DLGAP2: variants seen among roughly 807,000 people sequenced by gnomAD.
DLGAP2 encodes disks large-associated protein 2.
DLGAP2 carries 26 observed loss-of-function variants against 100.3 expected under a neutral mutation model. The ratio of observed to expected loss-of-function variants is 0.26; its 90% CI spans 0.19 to 0.36. The LOEUF is 0.36. Ranked by LOEUF, DLGAP2 falls within the 10% of genes least tolerant of loss-of-function variation. The pLI is 1.00. For missense variants in DLGAP2, 1,858 were observed against 1,453.2 expected, an observed-to-expected ratio of 1.28 and a Z score of -4.53; for synonymous variants, 886 against 630.1, an observed-to-expected ratio of 1.41 and a Z score of -6.08.
At chr8:823,667 C>T (rs886464045) in intron 1 of DLGAP2, among the ~76,000 whole-genome samples, 6 of 152,046 alleles carry the variant, frequency 3.9e-5, no homozygotes, top group Admixed American at 1.3e-4. Flanking sequence ...ATAGCTGTGG[C>T]GCCTGCCTCC....
At chr8:829,333 G>T (rs968173405) in intron 1 of DLGAP2, among the ~76,000 whole-genome samples, 1 of 152,184 alleles carries the variant, frequency 6.6e-6, no homozygotes, top group Non-Finnish European at 1.5e-5. Context: ...TGTTCCACCT[G>T]TCCCATTTCA....
At chr8:1,225,442 C>T (rs1345284801) in intron 2 of DLGAP2, among the ~76,000 whole-genome samples, 5 of 152,162 alleles carry the variant, frequency 3.3e-5, no homozygotes, top group Admixed American at 1.3e-4. Flanking sequence ...GAATGGGGAA[C>T]GGTCACTTAC....
In DLGAP2 at chr8:1,548,791, GGCCCGACGCGCGGCC is replaced by G. The variant is rs1429851996; in HGVS notation, c.343_357del (p.Asp115_Pro119del). The G allele has an allele frequency of 6.3e-7, 1 of 1,585,464 alleles. No homozygotes were observed. Among genetic ancestry groups the G allele is most frequent in the Non-Finnish European group, 8.6e-7 (1 of 1,169,086 alleles). Reference sequence around the variant, plus strand: ...GAGGACTGCGAGCACCTGCACCACGGGCCCGACGCGCGGCCGCCCTACCTGCTGAGCCCCGCCGAC... The same window carrying G: ...GAGGACTGCGAGCACCTGCACCACGGGCCCTACCTGCTGAGCCCCGCCGAC... On this transcript the variant is annotated inframe_deletion, in exon 5 of 15. Transcript: ENST00000637795.
rs139791016 is a variant in DLGAP2, at chr8:1,435,517, C to T, written c.107-65849C>T. Among the ~76,000 whole-genome samples the T allele has an allele frequency of 3.5e-3, 531 of 152,222 alleles. 12 individuals carry two copies. The highest frequency in any genetic ancestry group is 3.1e-3 in the East Asian group (16 of 5,160). ...AGAAACCCCCTGTGCAGCCACCGTACGGAAGTGTAGCCGTAGAGGGATGCG... is the reference window on the plus strand; with the variant it reads ...AGAAACCCCCTGTGCAGCCACCGTATGGAAGTGTAGCCGTAGAGGGATGCG... On this transcript the variant is annotated intron_variant, in intron 3 of 14. Coordinates refer to ENST00000637795, the MANE Select transcript of DLGAP2 (RefSeq NM_001346810.2).
At chr8:1,574,632 T>A (rs138517911) in intron 6 of DLGAP2, among the ~76,000 whole-genome samples, 21 of 152,366 alleles carry the variant, frequency 1.4e-4, no homozygotes, top group African/African-American at 5.0e-4. Flanking sequence ...TCCATTTTGT[T>A]ATGACCCAAA....
chr8:1,024,934 C>T (rs945818593), intron 2 of DLGAP2, among the ~76,000 whole-genome samples: 4 of 152,174 alleles, frequency 2.6e-5, no homozygotes, highest in Admixed American at 6.5e-5. Flanking sequence ...TCTGGAATGA[C>T]GGACAGAGGT....
intron 9 of DLGAP2, 130 bp downstream of exon 9, chr8:1,668,808 CTG>C (rs1798615011): frequency 1.1e-6 from 1 of 901,970 alleles, no homozygotes; most frequent in East Asian, 2.7e-5. Flanking sequence ...GCTGTGGAAT[CTG>C]AGAGCAGGGC....
chr8:1,539,252 C>A (rs543442276), intron 4 of DLGAP2, among the ~76,000 whole-genome samples: 2 of 152,192 alleles, frequency 1.3e-5, no homozygotes, highest in Non-Finnish European at 2.9e-5. Flanking sequence ...TCTGAGAGAG[C>A]TCAGGCAGCA....
intron 11 of DLGAP2, 91 bp downstream of exon 11, chr8:1,676,709 A>C: frequency 7.8e-7 from 1 of 1,278,616 alleles, no homozygotes; most frequent in African/African-American, 1.5e-5. Flanking sequence ...GCCGGCCCTC[A>C]ATCATGCCTG....
In DLGAP2 at chr8:776,160, G is replaced by T. The variant is rs1473376888; in HGVS notation, c.18+38335G>T. Among the ~76,000 whole-genome samples, 6 of 150,838 alleles carry T rather than the reference G, an allele frequency of 4.0e-5. No individual in the cohort carries two copies. In the South Asian group the frequency reaches 1.2e-3, roughly 31 times the overall value. ...CATAGAGGTGTTTGTAGTATTCTCT[G>T]ATGGTAGTTTGTATTTCTGTGGGAT... On this transcript the variant is annotated intron_variant, in intron 1 of 14. Coordinates refer to ENST00000637795, the MANE Select transcript of DLGAP2 (RefSeq NM_001346810.2).
chr8:1,285,836 G>C (rs1799910682), intron 3 of DLGAP2, among the ~76,000 whole-genome samples: 1 of 152,090 alleles, frequency 6.6e-6, no homozygotes, highest in South Asian at 2.1e-4. Context: ...GGGCGTAGTG[G>C]CACACACCTG....
At chr8:1,006,124 C>T (rs991804804) in intron 2 of DLGAP2, among the ~76,000 whole-genome samples, 2 of 152,002 alleles carry the variant, frequency 1.3e-5, no homozygotes, top group African/African-American at 4.8e-5. Flanking sequence ...GGGAGTCTGA[C>T]GTTGCAGTGA....
chr8:927,209 C>A, intron 2 of DLGAP2: 1 of 985,382 alleles, frequency 1.0e-6, no homozygotes, highest in Non-Finnish European at 1.2e-6. Context: ...GGTAAGAACG[C>A]TGTTTATAGA....
intron 2 of DLGAP2, among the ~76,000 whole-genome samples, chr8:964,884 G>T (rs556787695): frequency 1.8e-4 from 28 of 152,320 alleles, no homozygotes; most frequent in African/African-American, 6.0e-4. Context: ...CATGCTCCGG[G>T]GGGTACTGCC....
At chr8:1,355,181 G>A (rs1006059819) in intron 3 of DLGAP2, among the ~76,000 whole-genome samples, 19 of 152,386 alleles carry the variant, frequency 1.2e-4, no homozygotes, top group Admixed American at 1.3e-4. Flanking sequence ...CGGTGACACT[G>A]CATGCCCGTG....
intron 1 of DLGAP2, among the ~76,000 whole-genome samples, chr8:840,834 A>G (rs867666802): frequency 2.0e-5 from 3 of 152,242 alleles, no homozygotes; most frequent in African/African-American, 4.8e-5. Flanking sequence ...ACACGTCTAC[A>G]TGGGGCACAT....
At chr8:1,291,826 C>G (rs1369559392) in intron 3 of DLGAP2, among the ~76,000 whole-genome samples, 2 of 152,192 alleles carry the variant, frequency 1.3e-5, no homozygotes, top group Non-Finnish European at 2.9e-5. Flanking sequence ...TCCAGCCACA[C>G]TTTGTACTGC....
At chr8:1,114,536 G>A (rs1275632284) in intron 2 of DLGAP2, among the ~76,000 whole-genome samples, 5 of 152,036 alleles carry the variant, frequency 3.3e-5, no homozygotes. Flanking sequence ...TGTGGGGTCA[G>A]TGGTAACATT....
rs568112731 is a variant in DLGAP2, at chr8:1,134,044, C to T, written c.74-124807C>T. Among the ~76,000 whole-genome samples the T allele has an allele frequency of 8.6e-5, 13 of 152,016 alleles. 1 individual carries two copies. In the South Asian group the frequency reaches 2.7e-3, roughly 32 times the overall value. ...CCTGTGGATGTTGGTCCCCTTTATG[C>T]ATCCATGAGTTCTCATCATTTAGCT... On this transcript the variant is annotated intron_variant, in intron 2 of 14. Coordinates refer to ENST00000637795, the MANE Select transcript of DLGAP2 (RefSeq NM_001346810.2).
Sources: allele counts gnomAD v4.1 joint callset (sites outside exome capture counted in the v4.1 genomes callset), GRCh38; gene constraint gnomAD v4.1.1; transcripts MANE v1.5; gene names NCBI Gene and HGNC (gene_info 2026-07-23, HGNC 2026-07-21).